The following CFAP69 variants were observed in gnomAD, a reference collection of about 807,000 sequenced individuals.
CFAP69 encodes the protein cilia and flagella associated protein 69, also known as cilia- and flagella-associated protein 69.
In CFAP69, 92 loss-of-function variants were observed where a neutral mutation model predicts 123.0. That is an observed-to-expected ratio of 0.75 (90% CI 0.63 to 0.89). The LOEUF (loss-of-function observed/expected upper bound fraction) is 0.89, where lower values mean the gene tolerates loss of function less well. Among genes scored for constraint, CFAP69 ranks in the 40% least tolerant of loss-of-function variants. CFAP69 has a pLI of 0.00. For synonymous variants in CFAP69, 380 were observed against 364.3 expected (o/e 1.04, Z -0.49); for missense variants, 1,067 against 1,096.9 (o/e 0.97, Z 0.39).
rs762356616 is a variant in CFAP69, at chr7:90,277,326, A to G, written c.1147A>G (p.Thr383Ala). ...VIVILCKDLP[T>A]VQLLIDGKVI... ...TGTGATCTTATGTAAAGATTTACCT[A>G]CTGTACAGGTAAAGAGTAATCAAGG... Residue 383 changes from threonine to alanine, a missense_variant, in exon 11 of 23, where the codon ACT (threonine) becomes GCT (alanine). Coordinates refer to ENST00000389297, the MANE Select transcript of CFAP69 (RefSeq NM_001039706.3). The G allele has an allele frequency of 1.9e-6, 3 of 1,556,634 alleles. No individual in the cohort carries two copies. Among genetic ancestry groups the G allele is most frequent in the Non-Finnish European group, 2.6e-6 (3 of 1,155,598 alleles).
chr7:90,309,211 A>G, intron 21 of CFAP69, 52 bp from the exon 22 acceptor site: 1 of 868,666 alleles, frequency 1.2e-6, no homozygotes, highest in Non-Finnish European at 1.8e-6. Context: ...AAGTACCATC[A>G]TTACTGATTT....
chr7:90,267,605 T>C (rs1006594076), intron 5 of CFAP69, among the ~76,000 whole-genome samples: 1 of 152,150 alleles, frequency 6.6e-6, no homozygotes, highest in Non-Finnish European at 1.5e-5. Context: ...GCCAACCCCA[T>C]GCAGACAGCT....
At chr7:90,280,103 C>G (rs377342994) in intron 12 of CFAP69, among the ~76,000 whole-genome samples, 2 of 152,020 alleles carry the variant, frequency 1.3e-5, no homozygotes, top group East Asian at 3.9e-4. Flanking sequence ...TGATGCACAC[C>G]CGAAAGAAAT....
At chr7:90,281,679 T>C (rs539805267) in intron 12 of CFAP69, among the ~76,000 whole-genome samples, 20 of 152,294 alleles carry the variant, frequency 1.3e-4, no homozygotes, top group Admixed American at 1.2e-3. Context: ...TGGGAAAATA[T>C]CTTTTTGCTA....
chr7:90,275,589 C>CGTT (rs1562875616), intron 9 of CFAP69, among the ~76,000 whole-genome samples: 1 of 91,532 alleles, frequency 1.1e-5, no homozygotes, highest in African/African-American at 4.1e-5. Context: ...AGGCCAAAAG[C>CGTT]CTTTTTTTTT....
At chr7:90,270,285 G>A (rs184825381) in intron 6 of CFAP69, 2 of 152,090 alleles carry the variant, frequency 1.3e-5, no homozygotes, top group Non-Finnish European at 1.5e-5. Context: ...GTACATTTTG[G>A]TCCATCCATA....
chr7:90,291,510 T>A (rs924789354), intron 15 of CFAP69, among the ~76,000 whole-genome samples: 4 of 152,208 alleles, frequency 2.6e-5, no homozygotes, highest in Non-Finnish European at 4.4e-5. Context: ...CGTGACCATC[T>A]GGGAATGCAG....
the CFAP69 span, among the ~76,000 whole-genome samples, chr7:90,320,144 C>T: frequency 3.3e-5 from 5 of 152,202 alleles, no homozygotes; most frequent in Non-Finnish European, 7.3e-5. Context: ...CCTACCACAA[C>T]ACATTTCAAC....
intron 4 of CFAP69, 103 bp downstream of exon 4, chr7:90,262,159 CAGA>C: frequency 2.9e-6 from 2 of 691,562 alleles, no homozygotes; most frequent in Non-Finnish European, 4.6e-6. Context: ...CAGATTGCTA[CAGA>C]ACTCAGAAAA....
chr7:90,264,404 C>G (rs2116805223), intron 4 of CFAP69, among the ~76,000 whole-genome samples: 1 of 151,850 alleles, frequency 6.6e-6, no homozygotes, highest in South Asian at 2.1e-4. Flanking sequence ...AACTTGAATG[C>G]CTTAATGTCT....
the CFAP69 span, chr7:90,317,045 C>T: frequency 1.3e-5 from 2 of 151,226 alleles, no homozygotes; most frequent in African/African-American, 2.4e-5. Flanking sequence ...GGTACCACTT[C>T]GGCTCCTCTG....
intron 9 of CFAP69, among the ~76,000 whole-genome samples, 191 bp from the exon 10 acceptor site, chr7:90,276,882 T>G (rs1213499423): frequency 6.6e-6 from 1 of 152,222 alleles, no homozygotes; most frequent in Admixed American, 6.5e-5. Context: ...TTATTTAATT[T>G]TAAATAAGCT....
chr7:90,293,865 G>A (rs992046765), intron 15 of CFAP69, among the ~76,000 whole-genome samples: 11 of 152,168 alleles, frequency 7.2e-5, no homozygotes, highest in African/African-American at 2.7e-4. Context: ...AAGCAGGCAA[G>A]TTACAGTAAG....
chr7:90,276,927 CTT>C lies in CFAP69; in HGVS notation c.985-144_985-143del. On this transcript the variant is annotated intron_variant, in intron 9 of 22. Transcript: ENST00000389297. Reference sequence around the variant, plus strand: ...ATATGTTTTTATTTTTTGCCTCACTCTTTATTACTATTCATGCTTTATGAATT... The same window carrying C: ...ATATGTTTTTATTTTTTGCCTCACTCTATTACTATTCATGCTTTATGAATT... 5.4e-6 allele frequency: 3 copies of C among 557,756 alleles called. No homozygotes were observed. In the South Asian group the frequency reaches 1.0e-4, roughly 19 times the overall value. 34.6% of individuals were successfully genotyped at this position (557,756 alleles called of 1,614,324 possible). A position where few individuals can be genotyped will look rare whatever the true frequency, so the allele number is the denominator to read the frequency against.
At position 90,271,965 on chromosome 7, in the gene CFAP69, G is replaced by C; in HGVS notation, c.860+7G>C. 1 of 1,605,422 alleles carries C rather than the reference G, an allele frequency of 6.2e-7. No individual in the cohort carries two copies. Among genetic ancestry groups the C allele is most frequent in the Non-Finnish European group, 8.5e-7 (1 of 1,175,688 alleles). On this transcript the variant is annotated splice_region_variant and intron_variant, in intron 8 of 22. Transcript: ENST00000389297. ...GTAACTTGGAATGTTTGCTGTAAGC[G>C]TATGTGGTTAGATAGGAATGTTCTT...
chr7:90,299,545 G>A (rs1263939260), intron 16 of CFAP69, among the ~76,000 whole-genome samples: 1 of 151,994 alleles, frequency 6.6e-6, no homozygotes, highest in African/African-American at 2.4e-5. Context: ...TAACACTATC[G>A]AGCTTCGCCA....
intron 15 of CFAP69, among the ~76,000 whole-genome samples, chr7:90,292,861 A>G (rs1791409014): frequency 6.6e-6 from 1 of 152,216 alleles, no homozygotes; most frequent in Non-Finnish European, 1.5e-5. Context: ...CTCTATTCAG[A>G]GATCACAATC....
chr7:90,299,815 T>C, intron 16 of CFAP69, 52 bp from the exon 17 acceptor site: 2 of 1,345,140 alleles, frequency 1.5e-6, no homozygotes, highest in Non-Finnish European at 2.0e-6. Context: ...TTGAAGACAA[T>C]AATTCTTAAT....
Position 90,288,392 on chromosome 7 carries a change from G to A in CFAP69, c.1775+40G>A, listed in dbSNP as rs754227061. On this transcript the variant is annotated intron_variant, in intron 15 of 22. Coordinates refer to ENST00000389297, the MANE Select transcript of CFAP69 (RefSeq NM_001039706.3). ...AATCAAATTAGGTAGACTCACAGCAGTCATGCATCACTTTACAACAGTGAG... is the reference window on the plus strand; with the variant it reads ...AATCAAATTAGGTAGACTCACAGCAATCATGCATCACTTTACAACAGTGAG... 2.5e-6 allele frequency: 4 copies of A among 1,590,054 alleles called. No homozygotes were observed. In the African/African-American group the frequency reaches 5.4e-5, roughly 21 times the overall value.
Sources: gnomAD v4.1 joint callset for allele counts (sites outside exome capture counted in the v4.1 genomes callset) on GRCh38, gnomAD v4.1.1 for gene constraint, MANE v1.5 for transcripts, NCBI Gene and HGNC (gene_info 2026-07-23, HGNC 2026-07-21) for gene names.